The following FKBP1B variants were observed in gnomAD, a reference collection of about 807,000 sequenced individuals.
FKBP1B encodes the protein peptidyl-prolyl cis-trans isomerase FKBP1B.
Under a neutral mutation model 13.5 loss-of-function variants are expected in FKBP1B, and 4 were observed. The ratio of observed to expected loss-of-function variants is 0.30; its 90% CI spans 0.15 to 0.68. The LOEUF (loss-of-function observed/expected upper bound fraction) is 0.68, where lower values mean the gene tolerates loss of function less well. Ranked by LOEUF, FKBP1B falls within the 30% of genes least tolerant of loss-of-function variation. The pLI is 0.76. For synonymous variants in FKBP1B, 54 were observed against 53.6 expected, an observed-to-expected ratio of 1.01 and a Z score of -0.03; for missense variants, 93 against 136.2, an observed-to-expected ratio of 0.68 and a Z score of 1.58.
chr2:24,053,291 T>A (rs1385134001), intron 1 of FKBP1B, among the ~76,000 whole-genome samples: 1 of 148,026 alleles, frequency 6.8e-6, no homozygotes, highest in Non-Finnish European at 1.5e-5. Context: ...GAAAAGATTT[T>A]TTTTTTTTTT....
At chr2:24,037,461 A>G in the FKBP1B span, among the ~76,000 whole-genome samples, 2 of 152,214 alleles carry the variant, frequency 1.3e-5, no homozygotes, top group African/African-American at 4.8e-5. Context: ...CATGCACCTG[A>G]TAAAATCATG....
upstream of FKBP1B, among the ~76,000 whole-genome samples, chr2:24,048,673 GA>G (rs1573675197): frequency 1.3e-5 from 2 of 151,734 alleles, no homozygotes; most frequent in Admixed American, 6.6e-5. Context: ...TAATGAGGGG[GA>G]AAAAATTTTA....
At chr2:24,053,085 A>T (rs1663953373) in intron 1 of FKBP1B, among the ~76,000 whole-genome samples, 1 of 151,876 alleles carries the variant, frequency 6.6e-6, no homozygotes, top group East Asian at 1.9e-4. Flanking sequence ...GTACTCAGTA[A>T]ATATTTGTGG....
At chr2:24,044,193 A>C in the FKBP1B span, among the ~76,000 whole-genome samples, 1 of 151,096 alleles carries the variant, frequency 6.6e-6, no homozygotes, top group South Asian at 2.1e-4. Flanking sequence ...AATGTCAATG[A>C]GGGTGTGTGT....
intron 2 of FKBP1B, among the ~76,000 whole-genome samples, chr2:24,055,627 G>A (rs12474077): frequency 1.8e-3 from 274 of 152,276 alleles, no homozygotes; most frequent in Non-Finnish European, 3.4e-3. Flanking sequence ...TCACTATTAT[G>A]TCTGCGAGAT....
chr2:24,062,072 G>A (rs1049700655), intron 3 of FKBP1B, among the ~76,000 whole-genome samples: 9 of 151,916 alleles, frequency 5.9e-5, no homozygotes, highest in Non-Finnish European at 8.8e-5. Context: ...GGGTTTCACC[G>A]TTGTTAGCCA....
chr2:24,054,203 CACCT>C, intron 2 of FKBP1B: 1 of 670,080 alleles, frequency 1.5e-6, no homozygotes, highest in South Asian at 1.7e-5. Context: ...GTGAGTCAAA[CACCT>C]TCAGTCCCCT....
upstream of FKBP1B, among the ~76,000 whole-genome samples, chr2:24,044,817 TAAAAAAAAA>T (rs747340836): frequency 3.8e-5 from 4 of 103,928 alleles, no homozygotes; most frequent in African/African-American, 1.4e-4. Flanking sequence ...GAATTATCTT[TAAAAAAAAA>T]AAAAAAAAAA....
At chr2:24,042,535 CAAAAAAAA>C in the FKBP1B span, among the ~76,000 whole-genome samples, 2 of 61,582 alleles carry the variant, frequency 3.2e-5, no homozygotes, top group East Asian at 5.5e-4. Context: ...TACTCCGTCT[CAAAAAAAA>C]AAAAAAAAAA....
chr2:24,040,294 T>C, the FKBP1B span, among the ~76,000 whole-genome samples: 1 of 152,230 alleles, frequency 6.6e-6, no homozygotes. Context: ...AGCAAAATGT[T>C]AATAATTGTA....
upstream of FKBP1B, among the ~76,000 whole-genome samples, chr2:24,049,085 G>A (rs1663729460): frequency 6.6e-6 from 1 of 152,154 alleles, no homozygotes; most frequent in Non-Finnish European, 1.5e-5. Context: ...GCGAGGGTAG[G>A]AACCTCTTCT....
intron 3 of FKBP1B, among the ~76,000 whole-genome samples, chr2:24,061,880 T>G (rs1045833305): frequency 9.3e-5 from 11 of 117,774 alleles, no homozygotes; most frequent in Admixed American, 5.4e-4. Context: ...GTTTTTGGTG[T>G]TTTTTTTTAG....
upstream of FKBP1B, among the ~76,000 whole-genome samples, chr2:24,048,488 AAAG>A: frequency 6.6e-6 from 1 of 151,272 alleles, no homozygotes; most frequent in African/African-American, 2.4e-5. Flanking sequence ...AAAAAAAAAA[AAAG>A]GAGAGAGAGA....
Position 24,060,636 on chromosome 2 carries a change from G to GT in FKBP1B, c.86-177dup, listed in dbSNP as rs1413910562. ...TGGAGGACTTAGTGATAGGCAGTATGTGGGGGTGAGGCAGAAGGAAGTGTC... is the reference window on the plus strand; with the variant it reads ...TGGAGGACTTAGTGATAGGCAGTATGTTGGGGGTGAGGCAGAAGGAAGTGTC... On this transcript the variant is annotated intron_variant, in intron 2 of 3. Coordinates refer to ENST00000380986, the MANE Select transcript of FKBP1B (RefSeq NM_004116.5). Among the ~76,000 whole-genome samples, 6 of 152,194 alleles carry GT rather than the reference G, an allele frequency of 3.9e-5. No individual in the cohort carries two copies. The East Asian group carries it at 1.2e-3, about 29-fold the overall frequency.
In FKBP1B at chr2:24,050,124, C is replaced by G. The variant is rs970999666; in HGVS notation, c.37+238C>G. Among the ~76,000 whole-genome samples, 1 of 151,814 alleles carries G rather than the reference C, an allele frequency of 6.6e-6. No individual in the cohort carries two copies. The highest frequency in any genetic ancestry group is 1.5e-5 in the Non-Finnish European group (1 of 67,910). ...AGCTCGGAGGCGGGGGTCTGCGGCCCGGAGGCGGGGGTCTGCGGCCCGCCA... is the reference window on the plus strand; with the variant it reads ...AGCTCGGAGGCGGGGGTCTGCGGCCGGGAGGCGGGGGTCTGCGGCCCGCCA... On this transcript the variant is annotated intron_variant, in intron 1 of 3. Coordinates refer to ENST00000380986, the MANE Select transcript of FKBP1B (RefSeq NM_004116.5). The surrounding 1 kb of genome is among the most constrained non-coding windows in gnomAD (Gnocchi z 5.8).
In FKBP1B at chr2:24,063,611, TTC is replaced by T. The variant is rs1664502520; in HGVS notation, c.*421_*422del. 2 of 231,644 alleles carry T rather than the reference TTC, an allele frequency of 8.6e-6. No individual in the cohort carries two copies. The highest frequency in any genetic ancestry group is 5.6e-5 in the Admixed American group (1 of 17,740). The allele number at this position is 231,644 out of a possible 1,614,324, so 14.3% of individuals were successfully genotyped here. On this transcript the variant is annotated 3_prime_UTR_variant, in exon 4 of 4. Transcript: ENST00000380986. Reference sequence around the variant, plus strand: ...TTGCTGTCACTTTCTCTCTTATAAATTCTGTTAGCTGCTCACTTAAACAATGT... The same window carrying T: ...TTGCTGTCACTTTCTCTCTTATAAATTGTTAGCTGCTCACTTAAACAATGT...
the FKBP1B span, among the ~76,000 whole-genome samples, chr2:24,034,712 A>T: frequency 0.82 from 125,136 of 151,690 alleles, 52,245 homozygotes; most frequent in East Asian, 0.96. Context: ...TAGCTGGGAA[A>T]ACAGGTGGGT....
In FKBP1B at chr2:24,061,066, G is replaced by A. The variant is rs1034513369; in HGVS notation, c.198+140G>A. The stretch of plus-strand genomic sequence containing the variant: ...AGCCAGGGCATGGCAACGCCATCTG[G>A]TGTCCCCTCCTGGCTTTGCGTCCCC... On this transcript the variant is annotated intron_variant, in intron 3 of 3. Transcript: ENST00000380986. 7 of 647,494 alleles carry A rather than the reference G, an allele frequency of 1.1e-5. No homozygotes were observed. In the Admixed American group the frequency reaches 1.7e-4, roughly 16 times the overall value. 40.1% of individuals were successfully genotyped at this position (647,494 alleles called of 1,614,324 possible).
At chr2:24,041,942 A>G in the FKBP1B span, among the ~76,000 whole-genome samples, 2 of 152,030 alleles carry the variant, frequency 1.3e-5, no homozygotes, top group African/African-American at 4.8e-5. Flanking sequence ...ATACCTGAAT[A>G]CTCACTTTGA....
Sources: gnomAD v4.1 joint callset for allele counts (sites outside exome capture counted in the v4.1 genomes callset) on GRCh38, gnomAD v4.1.1 for gene constraint, Gnocchi (gnomAD v3.1) non-coding constraint, MANE v1.5 for transcripts, NCBI Gene and HGNC (gene_info 2026-07-23, HGNC 2026-07-21) for gene names.